Variants in ZNF536 observed in about 807,000 individuals in gnomAD.
ZNF536 encodes zinc finger protein 536.
Under a neutral mutation model 84.5 loss-of-function variants are expected in ZNF536, and 13 were observed. The observed-to-expected ratio is 0.15, with a 90% CI of 0.10 to 0.24. The LOEUF (loss-of-function observed/expected upper bound fraction) is 0.24. ZNF536 is among the 10% of genes least tolerant of loss of function. ZNF536 has a pLI of 1.00. For synonymous variants in ZNF536, 811 were observed against 742.5 expected (o/e 1.09, Z -1.50); for missense variants, 1,536 against 1,747.5 (o/e 0.88, Z 2.16).
intron 3 of ZNF536, among the ~76,000 whole-genome samples, chr19:30,357,896 A>G (rs994590666): frequency 3.9e-5 from 6 of 152,104 alleles, no homozygotes; most frequent in African/African-American, 1.4e-4. Flanking sequence ...TCTTCCTTGT[A>G]CAGACTCTGC....
chr19:30,454,600 A>G (rs2052752462), intron 2 of ZNF536, among the ~76,000 whole-genome samples: 1 of 152,204 alleles, frequency 6.6e-6, no homozygotes, highest in South Asian at 2.1e-4. Context: ...GTTTGCCCTG[A>G]AAAATTGGAG....
At chr19:30,384,087 C>T (rs2049193554) in intron 1 of ZNF536, among the ~76,000 whole-genome samples, 1 of 132,796 alleles carries the variant, frequency 7.5e-6, no homozygotes. Flanking sequence ...TCTTCTTCTG[C>T]CCACCTCTTT....
In ZNF536 at chr19:30,443,916, C is replaced by A. The variant is rs764450173; in HGVS notation, c.354C>A (p.Ser118Arg). ...GQNLGIMSQM[S>R]DIEDDARKNR... ...ACCTGGGCATCATGTCCCAGATGAGCGACATCGAGGACGACGCCCGCAAGA... is the reference window on the plus strand; with the variant it reads ...ACCTGGGCATCATGTCCCAGATGAGAGACATCGAGGACGACGCCCGCAAGA... The change falls in exon 2 of 5, where the codon AGC becomes AGA. Residue 118 changes from serine (S) to arginine (R), a missense_variant. Coordinates refer to ENST00000355537, the MANE Select transcript of ZNF536 (RefSeq NM_014717.3). 1.2e-6 allele frequency: 2 copies of A among 1,613,632 alleles called. No homozygotes were observed. The highest frequency in any genetic ancestry group is 8.5e-7 in the Non-Finnish European group (1 of 1,179,998).
chr19:30,643,942 T>C (rs1035880555), intron 1 of ZNF536, among the ~76,000 whole-genome samples: 1 of 152,246 alleles, frequency 6.6e-6, no homozygotes, highest in Non-Finnish European at 1.5e-5. Context: ...GGGGAAGTGA[T>C]AGAATGAACC....
chr19:30,235,825 A>G (rs2023451550), intron 1 of ZNF536, among the ~76,000 whole-genome samples: 1 of 152,230 alleles, frequency 6.6e-6, no homozygotes, highest in Non-Finnish European at 1.5e-5. Context: ...TGCTTTAATT[A>G]TTTTGCTTCC....
At chr19:30,415,604 A>ATCT (rs1179828865) in intron 1 of ZNF536, among the ~76,000 whole-genome samples, 1 of 150,884 alleles carries the variant, frequency 6.6e-6, no homozygotes, top group Non-Finnish European at 1.5e-5. Flanking sequence ...CGTCATCATC[A>ATCT]TCATCATCAT....
At chr19:30,303,510 T>C (rs1328191275) in intron 2 of ZNF536, among the ~76,000 whole-genome samples, 1 of 151,822 alleles carries the variant, frequency 6.6e-6, no homozygotes. Flanking sequence ...TTGACACTTT[T>C]TTTTTTTTTT....
chr19:30,366,773 C>T (rs1005505926), intron 3 of ZNF536, among the ~76,000 whole-genome samples: 1 of 152,254 alleles, frequency 6.6e-6, no homozygotes, highest in African/African-American at 2.4e-5. Flanking sequence ...GCTGACATTC[C>T]AGTTGGAGGA....
At chr19:30,313,501 T>A (rs1035329246) in intron 2 of ZNF536, among the ~76,000 whole-genome samples, 1 of 151,968 alleles carries the variant, frequency 6.6e-6, no homozygotes, top group Non-Finnish European at 1.5e-5. Context: ...CACTCCGCAC[T>A]CTCCACAGGG....
At chr19:30,539,122 C>G (rs892807440) in intron 3 of ZNF536, among the ~76,000 whole-genome samples, 2 of 151,044 alleles carry the variant, frequency 1.3e-5, no homozygotes, top group African/African-American at 4.9e-5. Context: ...ATATGCACCC[C>G]CCCCACACAC....
chr19:30,478,264 G>T (rs932632791), intron 2 of ZNF536, among the ~76,000 whole-genome samples: 1 of 151,168 alleles, frequency 6.6e-6, no homozygotes, highest in Non-Finnish European at 1.5e-5. Context: ...TAAACTTCCT[G>T]TATGCTCTTA....
chr19:30,304,513 C>T (rs574003772), intron 2 of ZNF536, among the ~76,000 whole-genome samples: 1 of 152,342 alleles, frequency 6.6e-6, no homozygotes, highest in Non-Finnish European at 1.5e-5. Context: ...CCTAACTTCA[C>T]TGATTCAACA....
intron 1 of ZNF536, among the ~76,000 whole-genome samples, chr19:30,241,650 G>T (rs1045012521): frequency 1.3e-5 from 2 of 152,200 alleles, no homozygotes; most frequent in African/African-American, 4.8e-5. Flanking sequence ...AGCCCATGGG[G>T]AGCGGGCTTC....
intron 1 of ZNF536, among the ~76,000 whole-genome samples, chr19:30,273,753 G>C (rs897902094): frequency 2.6e-5 from 4 of 152,142 alleles, no homozygotes; most frequent in Admixed American, 6.6e-5. Context: ...TTAGCCAGTG[G>C]CTTTTATTTT....
chr19:30,331,415 A>C (rs2047208882), intron 2 of ZNF536, among the ~76,000 whole-genome samples: 1 of 149,916 alleles, frequency 6.7e-6, no homozygotes, highest in African/African-American at 2.5e-5. Flanking sequence ...TGCAGTGGTC[A>C]TGCTGATTCC....
At chr19:30,228,184 G>A (rs1410320375), upstream of ZNF536, 1 of 152,084 alleles carries the variant, frequency 6.6e-6, no homozygotes, top group Non-Finnish European at 1.5e-5. This position sits in a 1 kb window ranked among gnomAD's most constrained non-coding sequence, Gnocchi z 4.5. Flanking sequence ...TTGGGAGGGG[G>A]GGCGATCTTT....
At chr19:30,347,366 G>A (rs571896508) in intron 2 of ZNF536, among the ~76,000 whole-genome samples, 29 of 152,168 alleles carry the variant, frequency 1.9e-4, no homozygotes, top group Admixed American at 9.2e-4. Flanking sequence ...TGGGCAGCCT[G>A]GCAGCTAGAA....
intron 2 of ZNF536, among the ~76,000 whole-genome samples, chr19:30,336,361 G>A (rs973322198): frequency 2.0e-5 from 3 of 152,318 alleles, no homozygotes; most frequent in African/African-American, 7.2e-5. Flanking sequence ...CCGAATGAGC[G>A]GATGAATGAA....
At chr19:30,502,348 G>T (rs1453635169) in intron 2 of ZNF536, among the ~76,000 whole-genome samples, 1 of 151,940 alleles carries the variant, frequency 6.6e-6, no homozygotes, top group Non-Finnish European at 1.5e-5. Context: ...GGTGGGAATG[G>T]TTTTTTTTAG....
Sources: allele counts gnomAD v4.1 joint callset (sites outside exome capture counted in the v4.1 genomes callset), GRCh38; gene constraint gnomAD v4.1.1; non-coding constraint Gnocchi (gnomAD v3.1); transcripts MANE v1.5; gene names NCBI Gene and HGNC (gene_info 2026-07-23, HGNC 2026-07-21).